The following STEAP1B variants were observed in gnomAD, a reference collection of about 807,000 sequenced individuals.
The protein encoded by STEAP1B is STEAP family protein MGC87042.
A neutral mutation model predicts 27.9 loss-of-function variants in STEAP1B; 13 were observed. That is an observed-to-expected ratio of 0.47 (90% CI 0.30 to 0.74). The LOEUF is 0.74. Among genes scored for constraint, STEAP1B ranks in the 30% least tolerant of loss-of-function variants. The pLI is 0.06. For synonymous variants in STEAP1B, 86 were observed against 107.1 expected (o/e 0.80, Z 1.22); for missense variants, 250 against 298.7 (o/e 0.84, Z 1.20).
At chr7:22,460,531 G>A (rs1785660613) in intron 4 of STEAP1B, among the ~76,000 whole-genome samples, 1 of 152,146 alleles carries the variant, frequency 6.6e-6, no homozygotes, top group African/African-American at 2.4e-5. Context: ...TGTGCAAGCT[G>A]GGGAGCGGGC....
At chr7:22,485,087 G>A (rs190862540) in intron 4 of STEAP1B, among the ~76,000 whole-genome samples, 6 of 152,234 alleles carry the variant, frequency 3.9e-5, no homozygotes, top group Non-Finnish European at 7.3e-5. Context: ...AATGACAAAA[G>A]ATTTAGAATA....
chr7:22,499,733 C>T (rs1398048898), intron 1 of STEAP1B, among the ~76,000 whole-genome samples: 2 of 152,202 alleles, frequency 1.3e-5, no homozygotes. Flanking sequence ...AAGTACTGTG[C>T]ACCAGTCATT....
At chr7:22,456,970 ATAT>A (rs1390559004) in intron 4 of STEAP1B, among the ~76,000 whole-genome samples, 12 of 26,172 alleles carry the variant, frequency 4.6e-4, no homozygotes, top group South Asian at 1.8e-3. Flanking sequence ...ATATATATAT[ATAT>A]TTTTTTTTTT....
intron 4 of STEAP1B, among the ~76,000 whole-genome samples, chr7:22,470,220 G>A (rs926011921): frequency 6.6e-6 from 1 of 152,148 alleles, no homozygotes; most frequent in African/African-American, 2.4e-5. Flanking sequence ...AGGAAGTAAA[G>A]AAGTGCCATA....
In STEAP1B at chr7:22,456,973, T is replaced by TATATATATATATATATATATATA. The variant is rs1554285707; in HGVS notation, c.762+35591_762+35592insTATATATATATATATATATATAT. ...GCAGCTATATATATATATATATATA[T>TATATATATATATATATATATATA]TTTTTTTTTTTTTAAGTATCCTGGG... On this transcript the variant is annotated intron_variant, in intron 4 of 4. Transcript: ENST00000678116. Among the ~76,000 whole-genome samples, 9 of 59,270 alleles carry TATATATATATATATATATATATA rather than the reference T, an allele frequency of 1.5e-4. 1 individual carries two copies. The highest frequency in any genetic ancestry group is 3.1e-4 in the African/African-American group (4 of 13,008). 38.9% of individuals were successfully genotyped at this position (59,270 alleles called of 152,430 possible).
chr7:22,494,829 G>A lies in STEAP1B; in HGVS notation c.27C>T (p.Asn9=), dbSNP rs1786410334. The A allele has an allele frequency of 6.3e-7, 1 of 1,587,274 alleles. No individual in the cohort carries two copies. The highest frequency in any genetic ancestry group is 8.6e-7 in the Non-Finnish European group (1 of 1,166,054). ...GCTTCATTTTCCAAATTTCTTCTTG[G>A]TTTGTGATGTCTTTTCTGCTTTCCA... MESRKDIT[N]QEEIWKMKPR... Residue 9 remains asparagine (N), a synonymous_variant, in exon 2 of 5, where the codon AAC becomes AAT. Transcript: ENST00000678116.
At chr7:22,438,349 A>C in intron 4 of STEAP1B, 1 of 980,956 alleles carries the variant, frequency 1.0e-6, no homozygotes, top group Non-Finnish European at 1.5e-6. Flanking sequence ...TCTACATAAT[A>C]CTGTTAGTGA....
At chr7:22,469,366 C>G (rs1244709679) in intron 4 of STEAP1B, among the ~76,000 whole-genome samples, 1 of 152,040 alleles carries the variant, frequency 6.6e-6, no homozygotes, top group African/African-American at 2.4e-5. Flanking sequence ...TTACAGGAAG[C>G]TAAGGCTAAT....
At chr7:22,429,583 G>A (rs528574555) in intron 4 of STEAP1B, among the ~76,000 whole-genome samples, 4 of 152,324 alleles carry the variant, frequency 2.6e-5, no homozygotes, top group South Asian at 4.1e-4. Flanking sequence ...GATGTATACA[G>A]TGTGGATATG....
At chr7:22,476,985 T>A (rs1329051627) in intron 4 of STEAP1B, among the ~76,000 whole-genome samples, 1 of 152,200 alleles carries the variant, frequency 6.6e-6, no homozygotes, top group East Asian at 1.9e-4. Context: ...TTCCTTGCTA[T>A]GTGGCCCTCT....
At chr7:22,484,242 C>T (rs780122751) in intron 4 of STEAP1B, among the ~76,000 whole-genome samples, 3 of 152,170 alleles carry the variant, frequency 2.0e-5, no homozygotes, top group Non-Finnish European at 4.4e-5. Context: ...GAAGTTCATG[C>T]CTGCCTCCAA....
intron 4 of STEAP1B, among the ~76,000 whole-genome samples, chr7:22,447,603 A>G (rs1785428193): frequency 6.6e-6 from 1 of 152,228 alleles, no homozygotes; most frequent in African/African-American, 2.4e-5. Context: ...TTGTGGGAGT[A>G]AAGTGGGAAC....
intron 4 of STEAP1B, among the ~76,000 whole-genome samples, chr7:22,480,630 C>T (rs1250871286): frequency 6.6e-6 from 1 of 152,228 alleles, no homozygotes; most frequent in African/African-American, 2.4e-5. Flanking sequence ...CTGAATTTTC[C>T]AGGCACACTG....
At chr7:22,469,203 A>C (rs1474370861) in intron 4 of STEAP1B, among the ~76,000 whole-genome samples, 1 of 152,176 alleles carries the variant, frequency 6.6e-6, no homozygotes, top group African/African-American at 2.4e-5. Flanking sequence ...TTGTATCTTC[A>C]TTTTTAACAA....
At chr7:22,456,972 A>ATATTTTTTTTTTTTTTT in intron 4 of STEAP1B, among the ~76,000 whole-genome samples, 2 of 57,078 alleles carry the variant, frequency 3.5e-5, no homozygotes, top group East Asian at 1.3e-3. Flanking sequence ...ATATATATAT[A>ATATTTTTTTTTTTTTTT]TTTTTTTTTT....
Position 22,456,973 on chromosome 7 carries a change from T to TATATATATATATATATATATATATATATA in STEAP1B, c.762+35591_762+35592insTATATATATATATATATATATATATATAT, listed in dbSNP as rs1554285707. 1.0e-4 allele frequency among the ~76,000 whole-genome samples: 6 copies of TATATATATATATATATATATATATATATA among 59,288 alleles called. 1 individual carries two copies. The highest frequency in any genetic ancestry group is 1.8e-4 in the Admixed American group (1 of 5,420). The allele number at this position is 59,288 out of a possible 152,430, so 38.9% of individuals were successfully genotyped here. On this transcript the variant is annotated intron_variant, in intron 4 of 4. Coordinates refer to ENST00000678116, the MANE Select transcript of STEAP1B (RefSeq NM_001382447.1). Reference sequence around the variant, plus strand: ...GCAGCTATATATATATATATATATATTTTTTTTTTTTTTAAGTATCCTGGG... The same window carrying TATATATATATATATATATATATATATATA: ...GCAGCTATATATATATATATATATATATATATATATATATATATATATATATATATTTTTTTTTTTTTAAGTATCCTGGG...
At chr7:22,423,451 T>A (rs1248663151) in intron 4 of STEAP1B, among the ~76,000 whole-genome samples, 1 of 152,220 alleles carries the variant, frequency 6.6e-6, no homozygotes, top group Non-Finnish European at 1.5e-5. Flanking sequence ...GGCATACTGA[T>A]ACATGCTGCA....
intron 4 of STEAP1B, among the ~76,000 whole-genome samples, chr7:22,421,089 G>C (rs1785037518): frequency 6.6e-6 from 1 of 152,228 alleles, no homozygotes; most frequent in African/African-American, 2.4e-5. Context: ...CATCAGTTAT[G>C]TCTGGCAAGC....
At chr7:22,446,643 G>A (rs1392325545) in intron 4 of STEAP1B, among the ~76,000 whole-genome samples, 1 of 152,198 alleles carries the variant, frequency 6.6e-6, no homozygotes, top group East Asian at 1.9e-4. Context: ...GAATATGAAT[G>A]CTAATCTCAC....
Sources: gnomAD v4.1 joint callset for allele counts (sites outside exome capture counted in the v4.1 genomes callset) on GRCh38, gnomAD v4.1.1 for gene constraint, MANE v1.5 for transcripts, NCBI Gene and HGNC (gene_info 2026-07-23, HGNC 2026-07-21) for gene names.